DNAH17: variants seen among roughly 807,000 people sequenced by gnomAD.
The protein encoded by DNAH17 is axonemal beta dynein heavy chain 17.
DNAH17 carries 376 observed loss-of-function variants against 485.6 expected under a neutral mutation model. The observed-to-expected ratio is 0.77, with a 90% confidence interval of 0.71 to 0.84. DNAH17 has a LOEUF of 0.84. Among genes scored for constraint, DNAH17 ranks in the 40% least tolerant of loss-of-function variants. The pLI is 0.00. For missense variants in DNAH17, 6,370 were observed against 5,839.3 expected (o/e 1.09, Z -2.96); for synonymous variants, 3,031 against 2,405.9 (o/e 1.26, Z -7.60).
intron 54 of DNAH17, among the ~76,000 whole-genome samples, chr17:78,474,589 G>C (rs1407290244): frequency 1.3e-5 from 2 of 152,082 alleles, no homozygotes; most frequent in African/African-American, 4.8e-5. Context: ...CAGTGACCAA[G>C]GGCAGGGATC....
chr17:78,508,248 G>A (rs1359260500), intron 27 of DNAH17, among the ~76,000 whole-genome samples: 1 of 152,168 alleles, frequency 6.6e-6, no homozygotes, highest in Non-Finnish European at 1.5e-5. Context: ...CTGGGAAGCA[G>A]GAGATGCAAT....
Position 78,479,589 on chromosome 17 carries a change from G to A in DNAH17, c.7796C>T (p.Ala2599Val). 6.2e-7 allele frequency: 1 copy of A among 1,613,468 alleles called. No individual in the cohort carries two copies. Among genetic ancestry groups the A allele is most frequent in the Non-Finnish European group, 8.5e-7 (1 of 1,179,832 alleles). Residue 2599 changes from alanine (A) to valine (V), a missense_variant, in exon 50 of 81, where the codon GCC (alanine) becomes GTC (valine). By Grantham distance (64) the Ala-to-Val change is moderately conservative. Transcript: ENST00000389840. ...VFAVSFPGQE[A>V]LTTIYNTILT... is the part of the protein sequence containing the mutation. Reference sequence around the variant, plus strand: ...GATTGTGTTGTAGATGGTGGTGAGGGCCTCCTGGCCGGGGAAGCTCACAGC... The same window carrying A: ...GATTGTGTTGTAGATGGTGGTGAGGACCTCCTGGCCGGGGAAGCTCACAGC...
intron 9 of DNAH17, 111 bp from the exon 10 acceptor site, chr17:78,567,277 C>T (rs2092282842): frequency 9.0e-7 from 1 of 1,112,728 alleles, no homozygotes; most frequent in African/African-American, 1.6e-5. Context: ...AAAATGTCCC[C>T]AGGAGACACC....
At chr17:78,469,285 G>A (rs1016207854) in intron 54 of DNAH17, among the ~76,000 whole-genome samples, 2 of 152,188 alleles carry the variant, frequency 1.3e-5, no homozygotes, top group Non-Finnish European at 2.9e-5. Context: ...GGGACTACAG[G>A]CACCCGCCAC....
intron 66 of DNAH17, 99 bp from the exon 67 acceptor site, chr17:78,450,945 C>T (rs1425607451): frequency 6.8e-7 from 1 of 1,473,620 alleles, no homozygotes; most frequent in Non-Finnish European, 9.3e-7. Context: ...AAGGCCCAGG[C>T]TTTGAGCGGG....
chr17:78,503,491 TTTC>T (rs1377510732), intron 31 of DNAH17, among the ~76,000 whole-genome samples: 3 of 151,726 alleles, frequency 2.0e-5, no homozygotes, highest in Non-Finnish European at 4.4e-5. Context: ...GGCCACATAT[TTTC>T]TTCTTAAATT....
chr17:78,530,490 T>C lies in DNAH17; in HGVS notation c.3137A>G (p.Tyr1046Cys), dbSNP rs201371597. 6.5e-4 allele frequency: 1,054 copies of C among 1,610,372 alleles called. 1 individual carries two copies. Among genetic ancestry groups the C allele is most frequent in the Admixed American group, 2.1e-3 (124 of 59,788 alleles). The change falls in exon 21 of 81, where the codon TAT becomes TGT. Residue 1046 changes from tyrosine to cysteine, a missense_variant. Tyr to Cys is a radical substitution (Grantham distance 194). Transcript: ENST00000389840. The part of the protein sequence containing the change: ...QEQIDSYEKL[Y>C]EEVSKCENTK... The stretch of plus-strand genomic sequence containing the variant: ...GTTCTCGCACTTGGACACCTCCTCA[T>C]ACAGCTTCTCGTAGGAGTCGATCTG...
At chr17:78,559,287 G>C (rs1343060581) in intron 13 of DNAH17, among the ~76,000 whole-genome samples, 3 of 152,124 alleles carry the variant, frequency 2.0e-5, no homozygotes, top group African/African-American at 7.2e-5. Context: ...TCCTCTCTTT[G>C]GATGTCCAGG....
rs145926313 is a variant in DNAH17, at chr17:78,476,167, C to A, written c.8155-334G>T. 7.9e-5 allele frequency among the ~76,000 whole-genome samples: 12 copies of A among 152,310 alleles called. No homozygotes were observed. In the East Asian group the frequency reaches 1.9e-3, roughly 25 times the overall value. ...AAGTGGACAGAGGGAGGTGATCACA[C>A]CCTGATCTACTGAGCACTCAATTCC... On this transcript the variant is annotated intron_variant, in intron 52 of 80. Coordinates refer to ENST00000389840, the MANE Select transcript of DNAH17 (RefSeq NM_173628.4).
intron 51 of DNAH17, chr17:78,478,746 TCAC>T (rs56272370): frequency 3.5e-4 from 138 of 399,864 alleles, no homozygotes; most frequent in Middle Eastern, 1.9e-3. Context: ...ATCATCACCA[TCAC>T]CACCATCACT....
chr17:78,561,351 C>CCCTGCAGCT (rs1568257914), intron 12 of DNAH17, among the ~76,000 whole-genome samples: 1 of 151,782 alleles, frequency 6.6e-6, no homozygotes, highest in East Asian at 1.9e-4. Flanking sequence ...CCCCTGCAGC[C>CCCTGCAGCT]GTCCCTGCGT....
chr17:78,460,282 G>C lies in DNAH17; in HGVS notation c.9340-25C>G, dbSNP rs79145832. On this transcript the variant is annotated intron_variant, in intron 58 of 80. Coordinates refer to ENST00000389840, the MANE Select transcript of DNAH17 (RefSeq NM_173628.4). ...TCTGGAAGGAAGATGGACAGGAGAGGTTACTGCAGGCCTGTCCATGTGCCT... is the reference window on the plus strand; with the variant it reads ...TCTGGAAGGAAGATGGACAGGAGAGCTTACTGCAGGCCTGTCCATGTGCCT... The C allele has an allele frequency of 1.3e-5, 20 of 1,564,880 alleles. No individual in the cohort carries two copies. The Admixed American group carries it at 2.6e-4, about 21-fold the overall frequency.
chr17:78,470,203 G>C (rs2088684537), intron 54 of DNAH17, among the ~76,000 whole-genome samples: 1 of 149,786 alleles, frequency 6.7e-6, no homozygotes, highest in Non-Finnish European at 1.5e-5. Flanking sequence ...CCTCCTGAGA[G>C]ATTACAGGCA....
chr17:78,494,365 G>T (rs1228829978), intron 40 of DNAH17, among the ~76,000 whole-genome samples, 192 bp from the exon 41 acceptor site: 2 of 124,428 alleles, frequency 1.6e-5, no homozygotes, highest in Non-Finnish European at 3.3e-5. Flanking sequence ...CATGCAGGGG[G>T]TCGGTTTGCC....
chr17:78,458,579 G>T lies in DNAH17; in HGVS notation c.9963C>A (p.Ile3321=). The change falls in exon 62 of 81, where the codon ATC becomes ATA. Residue 3321 remains isoleucine, a synonymous_variant. Coordinates refer to ENST00000389840, the MANE Select transcript of DNAH17 (RefSeq NM_173628.4). ...QQEADATNRV[I]LLANRLVGGL... ...GGAGCTGATACCTGTTCGCCAGTAA[G>T]ATCACCCTGTTCGTGGCATCGGCCT... The T allele has an allele frequency of 6.2e-7, 1 of 1,613,962 alleles. No homozygotes were observed. Among genetic ancestry groups the T allele is most frequent in the Non-Finnish European group, 8.5e-7 (1 of 1,179,844 alleles).
chr17:78,471,491 G>A (rs2088749572), intron 54 of DNAH17, among the ~76,000 whole-genome samples: 1 of 152,228 alleles, frequency 6.6e-6, no homozygotes. Context: ...GGTGGAGACT[G>A]ACCATACCAG....
intron 26 of DNAH17, among the ~76,000 whole-genome samples, chr17:78,512,930 G>C (rs957432913): frequency 1.8e-5 from 2 of 113,506 alleles, no homozygotes; most frequent in African/African-American, 7.1e-5. Flanking sequence ...AACAGAGAGA[G>C]ACTCTAACTC....
chr17:78,475,318 T>C lies in DNAH17; in HGVS notation c.8471A>G (p.Gln2824Arg). ...CCCGTAGCCCTTCTTGAGGGTGATCTGAAACACGTCAAGCCCGCTGATGTA... is the reference window on the plus strand; with the variant it reads ...CCCGTAGCCCTTCTTGAGGGTGATCCGAAACACGTCAAGCCCGCTGATGTA... ...AAYISGLDVF[Q>R]ITLKKGYGIP... Residue 2824 changes from glutamine to arginine, a missense_variant, in exon 54 of 81, where the codon CAG (glutamine) becomes CGG (arginine). By Grantham distance (43) the Gln-to-Arg change is conservative. Transcript: ENST00000389840. 1.2e-6 allele frequency: 2 copies of C among 1,614,036 alleles called. No individual in the cohort carries two copies. The highest frequency in any genetic ancestry group is 1.3e-5 in the African/African-American group (1 of 75,056).
chr17:78,552,639 G>A (rs2091929059), intron 15 of DNAH17, 58 bp downstream of exon 15: 2 of 1,245,908 alleles, frequency 1.6e-6, no homozygotes, highest in Non-Finnish European at 2.4e-6. Flanking sequence ...GAGGACAGAT[G>A]CTGGGCAGGT....
Sources: gnomAD v4.1 joint callset for allele counts (sites outside exome capture counted in the v4.1 genomes callset) on GRCh38, gnomAD v4.1.1 for gene constraint, MANE v1.5 for transcripts, NCBI Gene and HGNC (gene_info 2026-07-23, HGNC 2026-07-21) for gene names.